The following IL3RA variants were observed in gnomAD, a reference collection of about 807,000 sequenced individuals.
IL3RA encodes the protein interleukin 3 receptor subunit alpha.
In IL3RA, 73 loss-of-function variants were observed where a neutral mutation model predicts 52.3. That is an observed-to-expected ratio of 1.40 (90% CI 1.16 to 1.70). The LOEUF (loss-of-function observed/expected upper bound fraction) is 1.70, where lower values mean the gene tolerates loss of function less well. IL3RA is among the 40% of genes most tolerant of loss of function. The pLI is 0.00. For synonymous variants in IL3RA, 260 were observed against 194.0 expected (o/e 1.34, Z -2.83); for missense variants, 664 against 504.4 (o/e 1.32, Z -3.03).
In IL3RA at chrX:1,348,502, G is replaced by A. The variant is rs145736962; in HGVS notation, c.255G>A (p.Val85=). ...LCEVTNYTVR[V]ANPPFSTWIL... ...AAGTGACCAACTACACCGTCCGAGT[G>A]GCCAACCCACCATTCTCCACGTGGA... is the stretch of plus-strand genomic sequence containing the variant. Residue 85 remains valine, a synonymous_variant, in exon 4 of 12, where the codon GTG becomes GTA. Coordinates refer to ENST00000331035, the MANE Select transcript of IL3RA (RefSeq NM_002183.4). 1.9e-6 allele frequency: 3 copies of A among 1,613,828 alleles called. No homozygotes were observed. The highest frequency in any genetic ancestry group is 2.5e-6 in the Non-Finnish European group (3 of 1,179,832).
At position 1,351,631 on chromosome X, in the gene IL3RA, GTTTT is replaced by G. The variant is rs1220332359; in HGVS notation, c.299-465_299-462del. On this transcript the variant is annotated intron_variant, in intron 4 of 11. Transcript: ENST00000331035. ...GGCGTGAGCCACCATGCCTGGGTTT[GTTTT>G]TTTATTTTTTTGAGACGAAGGCTCA... 3.7e-5 allele frequency among the ~76,000 whole-genome samples: 5 copies of G among 135,320 alleles called. No individual in the cohort carries two copies. The Admixed American group carries it at 3.8e-4, about 10-fold the overall frequency. The allele number at this position is 135,320 out of a possible 152,430, so 88.8% of individuals were successfully genotyped here.
chrX:1,381,188 C>A, intron 11 of IL3RA, 84 bp downstream of exon 11: 1 of 1,207,818 alleles, frequency 8.3e-7, no homozygotes, highest in Non-Finnish European at 1.2e-6. Context: ...CACTTGAGGC[C>A]AGGAACTGGA....
chrX:1,343,013 T>C (rs1192545428), intron 2 of IL3RA, among the ~76,000 whole-genome samples: 1 of 151,570 alleles, frequency 6.6e-6, no homozygotes. Context: ...AGGAGGAGGT[T>C]GCAGTGAGCC....
chrX:1,352,458 G>A lies in IL3RA; in HGVS notation c.568G>A (p.Ala190Thr), dbSNP rs1174496797. 1 of 1,613,860 alleles carries A rather than the reference G, an allele frequency of 6.2e-7. No homozygotes were observed. The highest frequency in any genetic ancestry group is 1.1e-5 in the South Asian group (1 of 91,082). ...CATCCTGGTGCGGGGCAGGAGCGCA[G>A]CCTTCGGTATCCCCTGCACAGATAA... The part of the protein sequence containing the change: ...SHILVRGRSA[A>T]FGIPCTDKFV... The change falls in exon 6 of 12, where the codon GCC (alanine) becomes ACC (threonine). Residue 190 changes from alanine to threonine, a missense_variant. By Grantham distance (58) the Ala-to-Thr change is moderately conservative. Transcript: ENST00000331035.
intron 4 of IL3RA, among the ~76,000 whole-genome samples, chrX:1,351,134 G>T (rs1244690856): frequency 1.3e-5 from 2 of 152,062 alleles, no homozygotes; most frequent in African/African-American, 2.4e-5. Flanking sequence ...TTGAACCCGG[G>T]AGGTGGAGGT....
intron 9 of IL3RA, among the ~76,000 whole-genome samples, chrX:1,377,660 G>A (rs1369826987): frequency 6.7e-6 from 1 of 149,500 alleles, no homozygotes; most frequent in East Asian, 2.0e-4. Context: ...TGAGGTCATA[G>A]ATGTATGTTT....
At chrX:1,359,801 CCTCTCTTTCTCTCT>C (rs2087046283) in intron 8 of IL3RA, among the ~76,000 whole-genome samples, 1 of 146,028 alleles carries the variant, frequency 6.8e-6, no homozygotes, top group Admixed American at 6.9e-5. Context: ...ATTCTCCCTC[CCTCTCTTTCTCTCT>C]CTCTCTCTCT....
At chrX:1,368,508 T>C (rs1399765095) in intron 9 of IL3RA, among the ~76,000 whole-genome samples, 3 of 152,098 alleles carry the variant, frequency 2.0e-5, no homozygotes, top group South Asian at 2.1e-4. Flanking sequence ...ATCGCTTGAA[T>C]TGTGTTCCCT....
chrX:1,343,806 G>GT (rs200807907), intron 2 of IL3RA, among the ~76,000 whole-genome samples: 8,446 of 78,652 alleles, frequency 0.11, 738 homozygotes, highest in East Asian at 0.27. Flanking sequence ...GAGTTTTTTT[G>GT]TTTTTTTGAG....
intron 8 of IL3RA, among the ~76,000 whole-genome samples, chrX:1,360,748 G>C (rs186306936): frequency 2.0e-5 from 3 of 150,778 alleles, no homozygotes; most frequent in Non-Finnish European, 4.4e-5. Flanking sequence ...GGCTGGTCTC[G>C]AACTCCTGAC....
chrX:1,367,796 G>A (rs1359270774), intron 9 of IL3RA, among the ~76,000 whole-genome samples: 1 of 146,576 alleles, frequency 6.8e-6, no homozygotes, highest in Non-Finnish European at 1.5e-5. Context: ...TGAGCGGGGT[G>A]CGCCGGGTGA....
chrX:1,358,982 CTTA>C lies in IL3RA; in HGVS notation c.759+99_759+101del, dbSNP rs1268605234. On this transcript the variant is annotated intron_variant, in intron 8 of 11. Transcript: ENST00000331035. ...AAAATGATAAAAAATATTAATAATT[CTTA>C]TTAATAAAATAATGAAAATATTATT... 67 of 823,992 alleles carry C rather than the reference CTTA, an allele frequency of 8.1e-5. No homozygotes were observed. In the Admixed American group the frequency reaches 1.4e-3, roughly 17 times the overall value. 51.0% of individuals were successfully genotyped at this position (823,992 alleles called of 1,614,324 possible).
rs771013139 is a variant in IL3RA, at chrX:1,352,507, G to C, written c.616+1G>C. The C allele has an allele frequency of 5.6e-6, 9 of 1,612,788 alleles. No homozygotes were observed. The East Asian group carries it at 1.3e-4, about 24-fold the overall frequency. ...AAGTTTGTCGTCTTTTCACAGATTG[G>C]TGAGTAGCCCGGGACACTCCCTCCC... On this transcript the variant is annotated splice_donor_variant, in intron 6 of 11. Transcript: ENST00000331035. LOFTEE classifies it high-confidence loss of function.
In IL3RA at chrX:1,348,504, C is replaced by T. The variant is rs147772004; in HGVS notation, c.257C>T (p.Ala86Val). 1.7e-3 allele frequency: 2,798 copies of T among 1,613,692 alleles called. 8 individuals are homozygous for T. The highest frequency in any genetic ancestry group is 2.2e-3 in the Non-Finnish European group (2,542 of 1,179,796). ...CEVTNYTVRV[A>V]NPPFSTWILF... ...GTGACCAACTACACCGTCCGAGTGG[C>T]CAACCCACCATTCTCCACGTGGATC... is the stretch of plus-strand genomic sequence containing the variant. Residue 86 changes from alanine to valine, a missense_variant, in exon 4 of 12, where the codon GCC becomes GTC. Physicochemically the swap from Ala to Val is moderately conservative, Grantham distance 64. Coordinates refer to ENST00000331035, the MANE Select transcript of IL3RA (RefSeq NM_002183.4).
chrX:1,355,410 C>CGGAGGGGGA (rs2149017389), intron 6 of IL3RA, among the ~76,000 whole-genome samples: 1 of 82,456 alleles, frequency 1.2e-5, no homozygotes, highest in African/African-American at 6.0e-5. Flanking sequence ...AGAGTAGGAG[C>CGGAGGGGGA]GGAGGGGGAG....
Position 1,365,173 on chromosome X carries a change from T to A in IL3RA, c.795T>A (p.Pro265=). 1 of 1,610,942 alleles carries A rather than the reference T, an allele frequency of 6.2e-7. No homozygotes were observed. Among genetic ancestry groups the A allele is most frequent in the Non-Finnish European group, 8.5e-7 (1 of 1,178,648 alleles). ...RDRTSFQLLN[P]GTYTVQIRAR... is the part of the protein sequence containing the mutation. ...GAACCTCCTTCCAGCTACTCAATCC[T>A]GGAACGTACACAGTACAAATAAGAG... is the stretch of plus-strand genomic sequence containing the variant. The change falls in exon 9 of 12, where the codon CCT becomes CCA. Residue 265 remains proline, a synonymous_variant. Transcript: ENST00000331035.
intron 1 of IL3RA, among the ~76,000 whole-genome samples, chrX:1,338,648 T>C (rs1211158340): frequency 6.6e-6 from 1 of 152,236 alleles, no homozygotes; most frequent in Non-Finnish European, 1.5e-5. Context: ...ATAGTGTCTG[T>C]ATGATTCCAT....
rs2086014643 is a variant in IL3RA, at chrX:1,350,066, A to AAATGGC, written c.298+1524_298+1529dup. 2.0e-5 allele frequency among the ~76,000 whole-genome samples: 3 copies of AAATGGC among 152,222 alleles called. 1 individual carries two copies. In the South Asian group the frequency reaches 6.2e-4, roughly 32 times the overall value. The stretch of plus-strand genomic sequence containing the variant: ...TGATTTCATTAATACAACTGTCTTG[A>AAATGGC]AATGGCAAAATTTTACAAATAGAAA... On this transcript the variant is annotated intron_variant, in intron 4 of 11. Coordinates refer to ENST00000331035, the MANE Select transcript of IL3RA (RefSeq NM_002183.4).
intron 8 of IL3RA, among the ~76,000 whole-genome samples, chrX:1,359,606 C>T (rs2087013507): frequency 6.7e-6 from 1 of 148,472 alleles, no homozygotes; most frequent in Non-Finnish European, 1.5e-5. Flanking sequence ...GTGTCTCTTT[C>T]CCTCCCTCTC....
Sources: gnomAD v4.1 joint callset for allele counts (sites outside exome capture counted in the v4.1 genomes callset) on GRCh38, gnomAD v4.1.1 for gene constraint, MANE v1.5 for transcripts, NCBI Gene and HGNC (gene_info 2026-07-23, HGNC 2026-07-21) for gene names.